Variants in SLC3A2 observed in about 807,000 individuals in gnomAD.
The protein encoded by SLC3A2 is amino acid transporter heavy chain SLC3A2.
In SLC3A2, 32 loss-of-function variants were observed where a neutral mutation model predicts 48.5. That is an observed-to-expected ratio of 0.66 (90% CI 0.50 to 0.89). SLC3A2 has a LOEUF of 0.89. Among genes scored for constraint, SLC3A2 ranks in the 40% least tolerant of loss-of-function variants. The pLI is 0.00. For synonymous variants in SLC3A2, 277 were observed against 288.8 expected, an observed-to-expected ratio of 0.96 and a Z score of 0.41; for missense variants, 587 against 680.7, an observed-to-expected ratio of 0.86 and a Z score of 1.53.
At chr11:62,860,718 G>A (rs2085390371) in intron 1 of SLC3A2, among the ~76,000 whole-genome samples, 1 of 152,140 alleles carries the variant, frequency 6.6e-6, no homozygotes, top group East Asian at 1.9e-4. Flanking sequence ...CCATATCTCA[G>A]GCTGTCTCAG....
At position 62,888,132 on chromosome 11, in the gene SLC3A2, C is replaced by T. The variant is rs775879097; in HGVS notation, c.1144-3C>T. On this transcript the variant is annotated splice_region_variant and splice_polypyrimidine_tract_variant and intron_variant, in intron 7 of 8. Transcript: ENST00000338663. ...TTAAAGTCCTATTTTCTCTGCTTTT[C>T]AGCCTATGGAGGCTCCAGTCATGCT... The T allele has an allele frequency of 3.1e-6, 5 of 1,612,506 alleles. No homozygotes were observed. Among genetic ancestry groups the T allele is most frequent in the Non-Finnish European group, 4.2e-6 (5 of 1,179,228 alleles).
chr11:62,880,925 A>G lies in SLC3A2; in HGVS notation c.-99A>G. 5.5e-6 allele frequency: 8 copies of G among 1,466,348 alleles called. No homozygotes were observed. The South Asian group carries it at 1.0e-4, about 19-fold the overall frequency. 90.8% of individuals were successfully genotyped at this position (1,466,348 alleles called of 1,614,324 possible). ...GCAGTAGCCGAAACTGCGCGGAGGCACAGAGGCCGGGGAGAGCGTTCTGGG... is the reference window on the plus strand; with the variant it reads ...GCAGTAGCCGAAACTGCGCGGAGGCGCAGAGGCCGGGGAGAGCGTTCTGGG... On this transcript the variant is annotated 5_prime_UTR_variant, in exon 1 of 9. Coordinates refer to ENST00000338663, the MANE Select transcript of SLC3A2 (RefSeq NM_001013251.3).
chr11:62,868,688 G>A (rs984480967), intron 1 of SLC3A2, among the ~76,000 whole-genome samples: 12 of 151,962 alleles, frequency 7.9e-5, no homozygotes, highest in African/African-American at 2.4e-4. Flanking sequence ...TTCTATAGGC[G>A]GTTGCAAATT....
At position 62,888,484 on chromosome 11, in the gene SLC3A2, C is replaced by T; in HGVS notation, c.1381C>T (p.Arg461Cys). The change falls in exon 9 of 9, where the codon CGT becomes TGT. Residue 461 changes from arginine (R) to cysteine (C), a missense_variant. Transcript: ENST00000338663. Reference protein sequence around the residue: ...SYIRHWDQNERFLVVLNFGDV... With the variant: ...SYIRHWDQNECFLVVLNFGDV... ...TATCCGCCACTGGGACCAGAATGAG[C>T]GTTTTCTGGTAGTGCTTAACTTTGG... The T allele has an allele frequency of 1.2e-6, 2 of 1,614,216 alleles. No homozygotes were observed. Among genetic ancestry groups the T allele is most frequent in the Non-Finnish European group, 1.7e-6 (2 of 1,180,040 alleles).
intron 1 of SLC3A2, among the ~76,000 whole-genome samples, chr11:62,871,132 T>C (rs1281561645): frequency 2.6e-5 from 4 of 151,716 alleles, no homozygotes; most frequent in Non-Finnish European, 5.9e-5. Flanking sequence ...TCCGCCTGCC[T>C]TGGCCTCCCA....
upstream of SLC3A2, among the ~76,000 whole-genome samples, chr11:62,877,058 C>T (rs1477819680): frequency 1.4e-5 from 2 of 146,192 alleles, no homozygotes. Context: ...TTTCTTCTTC[C>T]TTTTCTTTTT....
Position 62,885,464 on chromosome 11 carries a change from GT to G in SLC3A2, c.1001del (p.Leu334CysfsTer7). The G allele has an allele frequency of 6.2e-7, 1 of 1,614,186 alleles. No individual in the cohort carries two copies. Among genetic ancestry groups the G allele is most frequent in the Non-Finnish European group, 8.5e-7 (1 of 1,180,032 alleles). On this transcript the variant is annotated frameshift_variant and splice_region_variant, in exon 7 of 9. Transcript: ENST00000338663. LOFTEE classifies it high-confidence loss of function. Reference sequence around the variant, plus strand: ...GCTCACTGGAGTGTCTCTCCCTGTAGTTGTCTCAGGCAAGGCTCCTGACTTC... The same window carrying G: ...GCTCACTGGAGTGTCTCTCCCTGTAGTGTCTCAGGCAAGGCTCCTGACTTC... ...ATGNRWCSWS[L>X]SQARLLTSFL...
At chr11:62,884,349 C>A in intron 3 of SLC3A2, 108 bp from the exon 4 acceptor site, 1 of 1,255,116 alleles carries the variant, frequency 8.0e-7, no homozygotes, top group Non-Finnish European at 1.2e-6. Flanking sequence ...CAGGACTCTC[C>A]CCAGCTCCCG....
At chr11:62,856,180 G>A in exon 1 of SLC3A2, 1 of 1,031,770 alleles carries the variant, frequency 9.7e-7, no homozygotes, top group South Asian at 1.6e-5. Flanking sequence ...CGGCGATCCT[G>A]GACTGACGGT....
chr11:62,880,884 C>A, upstream of SLC3A2: 1 of 1,426,934 alleles, frequency 7.0e-7, no homozygotes, highest in Non-Finnish European at 9.2e-7. Flanking sequence ...GAGGCCGCGC[C>A]TGCTGCTGAG....
At chr11:62,857,614 C>G (rs1376124040) in intron 1 of SLC3A2, among the ~76,000 whole-genome samples, 1 of 146,060 alleles carries the variant, frequency 6.8e-6, no homozygotes, top group Non-Finnish European at 1.5e-5. Context: ...TGCTTGAGCC[C>G]AGGAGGTTGA....
At chr11:62,860,579 G>C (rs1311203574) in intron 1 of SLC3A2, among the ~76,000 whole-genome samples, 1 of 152,112 alleles carries the variant, frequency 6.6e-6, no homozygotes, top group African/African-American at 2.4e-5. Context: ...CATTCCCAGG[G>C]ACTAGCAGGA....
exon 1 of SLC3A2, chr11:62,856,193 C>A: frequency 8.6e-7 from 1 of 1,161,384 alleles, no homozygotes; most frequent in South Asian, 1.5e-5. Flanking sequence ...CTGACGGTCA[C>A]GACTGCCTAC....
chr11:62,884,434 C>T (rs1426200571), intron 3 of SLC3A2, 23 bp from the exon 4 acceptor site: 2 of 1,613,838 alleles, frequency 1.2e-6, no homozygotes, highest in East Asian at 2.2e-5. Flanking sequence ...GATGTCTGTC[C>T]TTTATTCTTC....
At chr11:62,857,183 G>A (rs1428988373) in intron 1 of SLC3A2, among the ~76,000 whole-genome samples, 2 of 151,764 alleles carry the variant, frequency 1.3e-5, no homozygotes, top group East Asian at 1.9e-4. Context: ...GTGCAGTGGC[G>A]GGATGTCTGT....
chr11:62,860,345 C>CA (rs1276874601), intron 1 of SLC3A2, among the ~76,000 whole-genome samples: 298 of 143,630 alleles, frequency 2.1e-3, no homozygotes, highest in South Asian at 4.0e-3. Context: ...ACTAAAAATA[C>CA]AAAAAAAAAA....
Position 62,884,565 on chromosome 11 carries a change from G to A in SLC3A2, c.759+40G>A, listed in dbSNP as rs757831693. On this transcript the variant is annotated intron_variant, in intron 4 of 8. Coordinates refer to ENST00000338663, the MANE Select transcript of SLC3A2 (RefSeq NM_001013251.3). ...CACATTAGGGACAAAGCTTGGGCGA[G>A]AACAGAGGGACTCAGCTAGAGCCTC... The A allele has an allele frequency of 1.1e-5, 18 of 1,613,990 alleles. No homozygotes were observed. The Admixed American group carries it at 2.8e-4, about 25-fold the overall frequency.
intron 7 of SLC3A2, among the ~76,000 whole-genome samples, chr11:62,887,699 CAAAAAAAA>C (rs753559403): frequency 2.0e-4 from 18 of 89,592 alleles, no homozygotes; most frequent in Non-Finnish European, 3.6e-4. Flanking sequence ...GACTCCGTCT[CAAAAAAAA>C]AAAAAAAAAA....
upstream of SLC3A2, among the ~76,000 whole-genome samples, chr11:62,877,552 G>A (rs1312931437): frequency 6.6e-6 from 1 of 152,238 alleles, no homozygotes; most frequent in Non-Finnish European, 1.5e-5. Context: ...ATAAACAAAT[G>A]GGACATGATT....
Sources: allele counts gnomAD v4.1 joint callset (sites outside exome capture counted in the v4.1 genomes callset), GRCh38; gene constraint gnomAD v4.1.1; transcripts MANE v1.5; gene names NCBI Gene and HGNC (gene_info 2026-07-23, HGNC 2026-07-21).